The following PHLPP1 variants were observed in gnomAD, a reference collection of about 807,000 sequenced individuals.
The protein encoded by PHLPP1 is PH domain leucine-rich repeat-containing protein phosphatase 1.
Under a neutral mutation model 117.2 loss-of-function variants are expected in PHLPP1, and 42 were observed. That is an observed-to-expected ratio of 0.36 (90% CI 0.28 to 0.46). The LOEUF is 0.46. PHLPP1 is among the 20% of genes least tolerant of loss of function. PHLPP1 has a pLI of 1.00. For synonymous variants in PHLPP1, 1,042 were observed against 970.7 expected (o/e 1.07, Z -1.37); for missense variants, 2,084 against 2,241.9 (o/e 0.93, Z 1.42).
At position 62,830,050 on chromosome 18, in the gene PHLPP1, C is replaced by T. The variant is rs201614913; in HGVS notation, c.1592C>T (p.Thr531Met). ...TTTATTTCAGGAAAACCTCACAGCA[C>T]GGGTAGCTCTGAACGGATTCAGCTC... ...IRFYAGKPHS[T>M]GSSERIQLSG... is the part of the protein sequence containing the mutation. The change falls in exon 2 of 17, where the codon ACG (threonine) becomes ATG (methionine). Residue 531 changes from threonine (T) to methionine (M), a missense_variant. By Grantham distance (81) the Thr-to-Met change is moderately conservative (BLOSUM62 -1). This residue lies in a region of PHLPP1 where 1,365 missense variants were observed against 1,605.9 expected (regional missense o/e 0.85). Transcript: ENST00000262719. 1.3e-4 allele frequency: 211 copies of T among 1,606,594 alleles called. No homozygotes were observed. Among genetic ancestry groups the T allele is most frequent in the Middle Eastern group, 3.3e-4 (2 of 6,040 alleles).
rs1442953935 is a variant in PHLPP1 at position 62,913,773 on chromosome 18, C to G, written c.2709-1140C>G. Among the ~76,000 whole-genome samples the G allele has an allele frequency of 5.1e-5, 5 of 98,552 alleles. 1 individual carries two copies. The highest frequency in any genetic ancestry group is 2.0e-4 in the African/African-American group (5 of 25,374). 64.7% of individuals were successfully genotyped at this position (98,552 alleles called of 152,430 possible). On this transcript the variant is annotated intron_variant, in intron 8 of 16. Transcript: ENST00000262719. ...TTTTTTTTTTTTTGAGACAGAGTTT[C>G]GCTCTTGTTGCCCAGTCTGGAGTGC...
chr18:62,848,098 G>A (rs1915225890), intron 3 of PHLPP1, among the ~76,000 whole-genome samples: 1 of 151,878 alleles, frequency 6.6e-6, no homozygotes, highest in African/African-American at 2.4e-5. Flanking sequence ...GATTTTTTTG[G>A]GTGCTCTGAT....
In PHLPP1 at chr18:62,893,045, C is replaced by CTT. The variant is rs1160191635; in HGVS notation, c.2067-1953_2067-1952dup. Among the ~76,000 whole-genome samples the CTT allele has an allele frequency of 5.7e-5, 8 of 139,652 alleles. No homozygotes were observed. The East Asian group carries it at 6.2e-4, about 11-fold the overall frequency. 91.6% of individuals were successfully genotyped at this position (139,652 alleles called of 152,430 possible). On this transcript the variant is annotated intron_variant, in intron 4 of 16. Coordinates refer to ENST00000262719, the MANE Select transcript of PHLPP1 (RefSeq NM_194449.4). ...ATAAATAATCAGAATAGTGGATAGG[C>CTT]TTTTTTTTTTTTTTGAGGCAGAGTC...
chr18:62,786,236 A>G (rs1913280044), intron 1 of PHLPP1, among the ~76,000 whole-genome samples: 3 of 152,202 alleles, frequency 2.0e-5, no homozygotes, highest in South Asian at 4.1e-4. Context: ...AAAGATAAAC[A>G]TCTTTATTCT....
chr18:62,766,350 C>G (rs560710369), intron 1 of PHLPP1, among the ~76,000 whole-genome samples: 1 of 151,628 alleles, frequency 6.6e-6, no homozygotes, highest in African/African-American at 2.4e-5. Flanking sequence ...GATAATACTC[C>G]TGGCCTCTCT....
rs1226271105 is a variant in PHLPP1, at chr18:62,903,161, C to G, written c.2642C>G (p.Ser881Cys). 1 of 1,604,450 alleles carries G rather than the reference C, an allele frequency of 6.2e-7. No homozygotes were observed. The highest frequency in any genetic ancestry group is 8.5e-7 in the Non-Finnish European group (1 of 1,172,466). Reference sequence around the variant, plus strand: ...TTCCTAAAAGCGCTCTATGCCTCTTCTAATGGTATGTATCATAGGCTACAT... The same window carrying G: ...TTCCTAAAAGCGCTCTATGCCTCTTGTAATGGTATGTATCATAGGCTACAT... ...GYFLKALYAS[S>C]NELVQLDVYP... Residue 881 changes from serine (S) to cysteine (C), a missense_variant, in exon 7 of 17, where the codon TCT becomes TGT. Coordinates refer to ENST00000262719, the MANE Select transcript of PHLPP1 (RefSeq NM_194449.4).
chr18:62,923,285 G>A (rs865915893), intron 10 of PHLPP1, among the ~76,000 whole-genome samples: 1 of 152,136 alleles, frequency 6.6e-6, no homozygotes, highest in Non-Finnish European at 1.5e-5. Context: ...TAAAGGGTTG[G>A]GGGAATGAGA....
chr18:62,858,059 G>A (rs1017992277), intron 3 of PHLPP1, among the ~76,000 whole-genome samples: 3 of 152,118 alleles, frequency 2.0e-5, no homozygotes, highest in Non-Finnish European at 4.4e-5. Context: ...TTATATGAGT[G>A]GTTTGGCCCT....
chr18:62,869,823 A>G (rs1915855313), intron 4 of PHLPP1, among the ~76,000 whole-genome samples: 1 of 152,198 alleles, frequency 6.6e-6, no homozygotes, highest in South Asian at 2.1e-4. Flanking sequence ...CCTATGTGGT[A>G]TCGGAGTAAC....
At chr18:62,949,601 G>A (rs887145100) in intron 12 of PHLPP1, among the ~76,000 whole-genome samples, 1 of 152,174 alleles carries the variant, frequency 6.6e-6, no homozygotes, top group Non-Finnish European at 1.5e-5. Context: ...GATCATTAGT[G>A]TTATTATCCT....
At chr18:62,971,662 G>A (rs75824975) in intron 14 of PHLPP1, among the ~76,000 whole-genome samples, 1,918 of 135,468 alleles carry the variant, frequency 0.014, 29 homozygotes, top group African/African-American at 0.045. Flanking sequence ...TGGGCGGGAA[G>A]CAGGCTCTCT....
chr18:62,979,505 A>C lies in PHLPP1; in HGVS notation c.*74A>C. 2 of 1,477,160 alleles carry C rather than the reference A, an allele frequency of 1.4e-6. No individual in the cohort carries two copies. Among genetic ancestry groups the C allele is most frequent in the South Asian group, 1.4e-5 (1 of 73,478 alleles). 91.5% of individuals were successfully genotyped at this position (1,477,160 alleles called of 1,614,324 possible). ...CAAGAGTCTCCCAGGCTCACATTAA[A>C]CCAGGGGTTTTACTCCACATCCTTC... On this transcript the variant is annotated 3_prime_UTR_variant, in exon 17 of 17. Coordinates refer to ENST00000262719, the MANE Select transcript of PHLPP1 (RefSeq NM_194449.4).
chr18:62,849,832 A>ATATATATATATATATATATATATAT (rs747097979), intron 3 of PHLPP1, among the ~76,000 whole-genome samples: 4 of 33,090 alleles, frequency 1.2e-4, no homozygotes, highest in Non-Finnish European at 1.6e-4. Flanking sequence ...AAAAAAAAAA[A>ATATATATATATATATATATATATAT]ATATATATAT....
intron 8 of PHLPP1, among the ~76,000 whole-genome samples, chr18:62,914,068 G>A (rs1482208920): frequency 6.6e-6 from 1 of 152,018 alleles, no homozygotes; most frequent in Non-Finnish European, 1.5e-5. Flanking sequence ...TATAGTAACT[G>A]TAATTACCAT....
chr18:62,924,692 A>AG (rs1344066884), intron 10 of PHLPP1, among the ~76,000 whole-genome samples: 2 of 148,628 alleles, frequency 1.3e-5, no homozygotes, highest in Non-Finnish European at 3.0e-5. Context: ...AAAAAAAAAA[A>AG]AAAAAAAGTC....
intron 4 of PHLPP1, among the ~76,000 whole-genome samples, chr18:62,883,474 C>T (rs1410369339): frequency 6.6e-6 from 1 of 152,072 alleles, no homozygotes; most frequent in Non-Finnish European, 1.5e-5. Flanking sequence ...AACTTTACTG[C>T]AAAATAAAAA....
chr18:62,729,908 G>A (rs1280765791), intron 1 of PHLPP1, among the ~76,000 whole-genome samples: 3 of 152,186 alleles, frequency 2.0e-5, no homozygotes, highest in Admixed American at 6.5e-5. Context: ...GCTAATTACT[G>A]TTTAGTGCTT....
intron 1 of PHLPP1, among the ~76,000 whole-genome samples, chr18:62,815,862 A>T (rs1013402438): frequency 6.6e-6 from 1 of 152,200 alleles, no homozygotes; most frequent in African/African-American, 2.4e-5. Context: ...CCTTTTCCTG[A>T]TATTTGAATG....
At chr18:62,759,813 T>G (rs942805744) in intron 1 of PHLPP1, among the ~76,000 whole-genome samples, 7 of 152,182 alleles carry the variant, frequency 4.6e-5, no homozygotes, top group African/African-American at 1.4e-4. Flanking sequence ...ATTAGCTATA[T>G]TGTTCCTCCC....
Sources: gnomAD v4.1 joint callset for allele counts (sites outside exome capture counted in the v4.1 genomes callset) on GRCh38, gnomAD v4.1.1 for gene constraint, gnomAD v4.1.1 regional missense constraint, MANE v1.5 for transcripts, NCBI Gene and HGNC (gene_info 2026-07-23, HGNC 2026-07-21) for gene names.